The following IQCK variants were observed in gnomAD, a reference collection of about 807,000 sequenced individuals.
IQCK encodes IQ domain-containing protein K.
A neutral mutation model predicts 28.1 loss-of-function variants in IQCK; 29 were observed. The ratio of observed to expected loss-of-function variants is 1.03; its 90% confidence interval spans 0.77 to 1.41. IQCK has a LOEUF of 1.41. Among genes scored for constraint, IQCK ranks in the 40% most tolerant of loss-of-function variants. The pLI, the probability that IQCK is intolerant of heterozygous loss-of-function variation, is 0.00. For missense variants in IQCK, 359 were observed against 314.7 expected, an observed-to-expected ratio of 1.14 and a Z score of -1.07; for synonymous variants, 113 against 115.1, an observed-to-expected ratio of 0.98 and a Z score of 0.12.
chr16:19,751,566 G>C (rs2054986976), intron 4 of IQCK, among the ~76,000 whole-genome samples: 1 of 152,198 alleles, frequency 6.6e-6, no homozygotes. Context: ...AGAGGAAAGA[G>C]AGTTGGGGTC....
At chr16:19,839,402 C>G (rs1381921517) in intron 9 of IQCK, among the ~76,000 whole-genome samples, 1 of 151,950 alleles carries the variant, frequency 6.6e-6, no homozygotes, top group Non-Finnish European at 1.5e-5. Flanking sequence ...CACAAGTGAT[C>G]CACCCTCCTC....
chr16:19,769,118 A>T (rs935110879), intron 6 of IQCK, among the ~76,000 whole-genome samples: 1 of 152,212 alleles, frequency 6.6e-6, no homozygotes, highest in African/African-American at 2.4e-5. Flanking sequence ...TCCTCATGAC[A>T]TGGTGACTGG....
At chr16:19,740,441 TCA>T (rs2054817801) in intron 4 of IQCK, among the ~76,000 whole-genome samples, 3 of 152,196 alleles carry the variant, frequency 2.0e-5, no homozygotes, top group Admixed American at 2.0e-4. Flanking sequence ...GAGCAGACCT[TCA>T]GCCTGGCCAC....
chr16:19,825,466 G>A lies in IQCK; in HGVS notation c.691-1560G>A, dbSNP rs551042674. Among the ~76,000 whole-genome samples the A allele has an allele frequency of 6.6e-6, 1 of 152,050 alleles. No individual in the cohort carries two copies. The highest frequency in any genetic ancestry group is 6.6e-5 in the Admixed American group (1 of 15,252). ...ACCCGGGAAGTGGAGGTTGCAGTGA[G>A]CTGAGATTGCACCATTGCACTCCAG... is the stretch of plus-strand genomic sequence containing the variant. On this transcript the variant is annotated intron_variant, in intron 7 of 7. Coordinates refer to ENST00000564186, the Ensembl canonical transcript of IQCK. This position sits in a 1 kb window ranked among gnomAD's most constrained non-coding sequence, Gnocchi z 4.2.
chr16:19,808,282 T>G (rs1200793346), intron 7 of IQCK, among the ~76,000 whole-genome samples: 5 of 152,220 alleles, frequency 3.3e-5, no homozygotes, highest in Non-Finnish European at 7.3e-5. Context: ...TGTATTTTCC[T>G]TAATATGCCC....
At chr16:19,762,367 G>A (rs1199232254) in intron 4 of IQCK, among the ~76,000 whole-genome samples, 1 of 152,122 alleles carries the variant, frequency 6.6e-6, no homozygotes, top group Non-Finnish European at 1.5e-5. Flanking sequence ...TGGATTTGGG[G>A]TAAAGCAATA....
At chr16:19,769,167 C>T (rs1308437191) in intron 6 of IQCK, among the ~76,000 whole-genome samples, 5 of 152,196 alleles carry the variant, frequency 3.3e-5, no homozygotes, top group African/African-American at 4.8e-5. Flanking sequence ...AAGAAGGAAG[C>T]ATGGTACCTT....
chr16:19,766,437 G>A (rs564488395), intron 6 of IQCK, among the ~76,000 whole-genome samples: 2 of 152,338 alleles, frequency 1.3e-5, no homozygotes, highest in South Asian at 2.1e-4. Flanking sequence ...GCTGGTTGGT[G>A]CCCAGATTTG....
chr16:19,738,716 A>C (rs1185014247), intron 4 of IQCK, among the ~76,000 whole-genome samples: 3 of 152,164 alleles, frequency 2.0e-5, no homozygotes, highest in Non-Finnish European at 4.4e-5. Context: ...ATGTTAACTT[A>C]TTTATCTCAG....
At chr16:19,723,447 A>AG (rs1220680268) in intron 1 of IQCK, among the ~76,000 whole-genome samples, 2 of 152,142 alleles carry the variant, frequency 1.3e-5, no homozygotes, top group Admixed American at 1.3e-4. Context: ...GCATTGTGCT[A>AG]GGTGCATTAC....
chr16:19,778,166 T>C (rs1243415765), intron 6 of IQCK, among the ~76,000 whole-genome samples: 3 of 152,174 alleles, frequency 2.0e-5, no homozygotes, highest in African/African-American at 7.2e-5. Context: ...TTCTATGAGC[T>C]GTTGTAGAAA....
intron 4 of IQCK, among the ~76,000 whole-genome samples, chr16:19,751,221 A>T (rs1167509329): frequency 6.6e-6 from 1 of 152,174 alleles, no homozygotes; most frequent in Non-Finnish European, 1.5e-5. Context: ...GGCCAAGCAC[A>T]GTAGTTCACA....
At chr16:19,741,092 C>T (rs928152171) in intron 4 of IQCK, among the ~76,000 whole-genome samples, 4 of 152,066 alleles carry the variant, frequency 2.6e-5, no homozygotes, top group Admixed American at 2.6e-4. Context: ...GACCCCAGGG[C>T]ACACTGAGGG....
rs1555520936 is a variant in IQCK, at chr16:19,814,240, A to AAC, written c.691-12785_691-12784insCA. Among the ~76,000 whole-genome samples the AAC allele has an allele frequency of 1.9e-3, 271 of 142,546 alleles. 18 individuals are homozygous for AAC. The highest frequency in any genetic ancestry group is 7.4e-3 in the African/African-American group (254 of 34,150). The allele number at this position is 142,546 out of a possible 152,430, so 93.5% of individuals were successfully genotyped here. A position where few individuals can be genotyped will look rare whatever the true frequency, so the allele number is the denominator to read the frequency against. On this transcript the variant is annotated intron_variant, in intron 7 of 7. Coordinates refer to ENST00000564186, the Ensembl canonical transcript of IQCK. ...TATCTCAAAAAAAAAAAAAAAAAAA[A>AAC]AAAAAACCACAAAAATTGGCTGGGC...
chr16:19,855,799 GACATTC>G (rs2056552021), intron 9 of IQCK, among the ~76,000 whole-genome samples: 3 of 152,114 alleles, frequency 2.0e-5, no homozygotes, highest in Admixed American at 2.0e-4. Context: ...CACCTTTCAA[GACATTC>G]ACATATGGGC....
intron 6 of IQCK, among the ~76,000 whole-genome samples, chr16:19,767,086 C>G (rs1273059845): frequency 6.6e-6 from 1 of 152,178 alleles, no homozygotes; most frequent in Non-Finnish European, 1.5e-5. Context: ...ATGTGGCTCG[C>G]TTTTTCAGTG....
At chr16:19,730,886 A>G (rs1277853847) in intron 2 of IQCK, among the ~76,000 whole-genome samples, 1 of 151,986 alleles carries the variant, frequency 6.6e-6, no homozygotes, top group Non-Finnish European at 1.5e-5. Context: ...GGCACCCGCC[A>G]CCGTGCTTGG....
chr16:19,840,154 A>C (rs1172187737), intron 9 of IQCK, among the ~76,000 whole-genome samples: 3 of 152,100 alleles, frequency 2.0e-5, no homozygotes, highest in Non-Finnish European at 4.4e-5. Context: ...TCAGGAGTTC[A>C]AGACCAGCCT....
rs183130237 is a variant in IQCK, at chr16:19,807,151, A to G, written c.690+18229A>G. Among the ~76,000 whole-genome samples the G allele has an allele frequency of 1.2e-3, 183 of 152,302 alleles. 1 individual carries two copies. Among genetic ancestry groups the G allele is most frequent in the Non-Finnish European group, 1.4e-3 (97 of 68,026 alleles). On this transcript the variant is annotated intron_variant, in intron 7 of 7. Coordinates refer to ENST00000564186, the Ensembl canonical transcript of IQCK. Reference sequence around the variant, plus strand: ...CTTGATCATCCCTATGGGGGCACCTACATGGCAAGAAACTGAGGCCTCTAG... The same window carrying G: ...CTTGATCATCCCTATGGGGGCACCTGCATGGCAAGAAACTGAGGCCTCTAG...
Sources: allele counts gnomAD v4.1 joint callset (sites outside exome capture counted in the v4.1 genomes callset), GRCh38; gene constraint gnomAD v4.1.1; non-coding constraint Gnocchi (gnomAD v3.1); transcripts MANE v1.5; gene names NCBI Gene and HGNC (gene_info 2026-07-23, HGNC 2026-07-21).